Variants in CNTN4 observed in about 807,000 individuals in gnomAD.
CNTN4 encodes the protein contactin-4.
CNTN4 carries 77 observed loss-of-function variants against 122.5 expected under a neutral mutation model. That is an observed-to-expected ratio of 0.63 (90% CI 0.52 to 0.76). The LOEUF is 0.76. Ranked by LOEUF, CNTN4 falls within the 30% of genes least tolerant of loss-of-function variation. The pLI is 0.00. For synonymous variants in CNTN4, 512 were observed against 447.0 expected (o/e 1.15, Z -1.83); for missense variants, 1,256 against 1,259.1 (o/e 1.00, Z 0.04).
Position 3,039,022 on chromosome 3 carries a change from A to G in CNTN4, c.2163+19A>G, listed in dbSNP as rs1699894137. 6.3e-7 allele frequency: 1 copy of G among 1,595,992 alleles called. No homozygotes were observed. Among genetic ancestry groups the G allele is most frequent in the East Asian group, 2.2e-5 (1 of 44,812 alleles). ...CTGGGAGGTAAATGAATCACAGAAT[A>G]AAAGGAACGTACACGCATCGAAGCT... On this transcript the variant is annotated intron_variant, in intron 19 of 24. Coordinates refer to ENST00000418658, the MANE Select transcript of CNTN4 (RefSeq NM_175607.3).
At chr3:2,659,644 T>G (rs890219463) in intron 4 of CNTN4, among the ~76,000 whole-genome samples, 2 of 152,136 alleles carry the variant, frequency 1.3e-5, no homozygotes, top group African/African-American at 4.8e-5. Flanking sequence ...TTAATTTTAT[T>G]ATTTCCCTTT....
At chr3:2,625,641 C>T (rs1191282470) in intron 4 of CNTN4, among the ~76,000 whole-genome samples, 1 of 152,178 alleles carries the variant, frequency 6.6e-6, no homozygotes, top group Non-Finnish European at 1.5e-5. Context: ...TCCTGAGATT[C>T]ATCCATGCTG....
intron 3 of CNTN4, among the ~76,000 whole-genome samples, chr3:2,532,199 T>C (rs2077621633): frequency 6.6e-6 from 1 of 152,178 alleles, no homozygotes; most frequent in Non-Finnish European, 1.5e-5. Context: ...AGACTAGTAT[T>C]TCTCTATTTT....
chr3:2,730,231 C>T (rs964163930), intron 4 of CNTN4, among the ~76,000 whole-genome samples: 3 of 152,078 alleles, frequency 2.0e-5, no homozygotes, highest in Non-Finnish European at 4.4e-5. Flanking sequence ...TTCATATATA[C>T]CTTATACCTA....
At chr3:2,184,269 GA>G (rs1362768928) in intron 2 of CNTN4, among the ~76,000 whole-genome samples, 4 of 152,150 alleles carry the variant, frequency 2.6e-5, no homozygotes, top group Non-Finnish European at 4.4e-5. Context: ...TTACAGGAGT[GA>G]GCCACCACAC....
intron 5 of CNTN4, among the ~76,000 whole-genome samples, chr3:2,740,758 G>A (rs963206337): frequency 6.6e-6 from 1 of 152,060 alleles, no homozygotes; most frequent in Non-Finnish European, 1.5e-5. Context: ...AGAAGAAATG[G>A]GATATGAACT....
At chr3:2,259,476 A>T (rs1024920028) in intron 2 of CNTN4, among the ~76,000 whole-genome samples, 3 of 152,194 alleles carry the variant, frequency 2.0e-5, no homozygotes, top group African/African-American at 4.8e-5. Context: ...CGCTGCTGAT[A>T]AAGACATACC....
intron 13 of CNTN4, among the ~76,000 whole-genome samples, chr3:2,982,884 G>C (rs1391275100): frequency 6.6e-6 from 1 of 152,012 alleles, no homozygotes; most frequent in Non-Finnish European, 1.5e-5. Context: ...TTATGAGCTT[G>C]AGAACAAAAA....
In CNTN4 at chr3:2,574,731, T is replaced by C. The variant is rs2079582503; in HGVS notation, c.55+3173T>C. On this transcript the variant is annotated intron_variant, in intron 4 of 24. Transcript: ENST00000418658. ...TAAAATGTTCTTACAGAAGTAAAAG[T>C]GTACAGTGCAACAGGGAATGTTAGT... Among the ~76,000 whole-genome samples, 3 of 152,098 alleles carry C rather than the reference T, an allele frequency of 2.0e-5. 1 individual carries two copies. The South Asian group carries it at 6.2e-4, about 32-fold the overall frequency.
At chr3:2,182,783 T>C (rs1247876097) in intron 2 of CNTN4, among the ~76,000 whole-genome samples, 2 of 152,030 alleles carry the variant, frequency 1.3e-5, no homozygotes, top group Non-Finnish European at 2.9e-5. Flanking sequence ...GTTTTTGTCT[T>C]GGTTGAGAAC....
intron 7 of CNTN4, among the ~76,000 whole-genome samples, chr3:2,823,663 G>T (rs1304467712): frequency 1.3e-5 from 2 of 152,156 alleles, no homozygotes; most frequent in Non-Finnish European, 2.9e-5. Context: ...GGGTCACTGG[G>T]CACCAGGAAT....
intron 2 of CNTN4, among the ~76,000 whole-genome samples, chr3:2,227,797 A>G (rs891233611): frequency 1.3e-5 from 2 of 152,144 alleles, no homozygotes; most frequent in Admixed American, 6.5e-5. Context: ...TAGTAAATGA[A>G]GACCTATTTA....
intron 4 of CNTN4, among the ~76,000 whole-genome samples, chr3:2,579,145 C>T (rs939860265): frequency 6.6e-6 from 1 of 152,186 alleles, no homozygotes; most frequent in Non-Finnish European, 1.5e-5. Flanking sequence ...ATTAGATATG[C>T]TCAGCCATGC....
intron 3 of CNTN4, among the ~76,000 whole-genome samples, chr3:2,423,040 G>A (rs17194371): frequency 0.17 from 25,706 of 152,082 alleles, 2,788 homozygotes; most frequent in Middle Eastern, 0.26. Flanking sequence ...TAAAGCGACT[G>A]CGTTGTTTTA....
chr3:2,850,806 T>C (rs1397649580), intron 7 of CNTN4, among the ~76,000 whole-genome samples: 1 of 152,202 alleles, frequency 6.6e-6, no homozygotes, highest in Non-Finnish European at 1.5e-5. Flanking sequence ...ATTTAAATCA[T>C]ATAATATTTT....
intron 15 of CNTN4, 87 bp downstream of exon 15, chr3:3,026,364 T>A: frequency 8.3e-7 from 1 of 1,201,156 alleles, no homozygotes; most frequent in Non-Finnish European, 1.2e-6. Context: ...TAGAATTTTG[T>A]TCAAGTAATC....
chr3:2,687,163 C>A (rs2085472449), intron 4 of CNTN4, among the ~76,000 whole-genome samples: 1 of 72,350 alleles, frequency 1.4e-5, no homozygotes, highest in African/African-American at 5.1e-5. Context: ...ACAGAAATGT[C>A]TGTGTTTCTG....
chr3:2,480,091 C>A lies in CNTN4; in HGVS notation c.-88-91325C>A, dbSNP rs539493970. Among the ~76,000 whole-genome samples the A allele has an allele frequency of 3.0e-3, 453 of 152,028 alleles. 2 individuals are homozygous for A. Among genetic ancestry groups the A allele is most frequent in the African/African-American group, 0.011 (438 of 41,472 alleles). ...ACTCATTCATGATAAGAACTCTCTG[C>A]AAACTAAGAATAGAGAAGCGCTTCC... is the stretch of plus-strand genomic sequence containing the variant. On this transcript the variant is annotated intron_variant, in intron 3 of 24. Coordinates refer to ENST00000418658, the MANE Select transcript of CNTN4 (RefSeq NM_175607.3).
At chr3:2,621,554 G>T (rs4685534) in intron 4 of CNTN4, among the ~76,000 whole-genome samples, 32 of 151,794 alleles carry the variant, frequency 2.1e-4, no homozygotes, top group African/African-American at 5.3e-4. Context: ...GTAGATGACC[G>T]GTTGATGGGT....
Sources: gnomAD v4.1 joint callset for allele counts (sites outside exome capture counted in the v4.1 genomes callset) on GRCh38, gnomAD v4.1.1 for gene constraint, MANE v1.5 for transcripts, NCBI Gene and HGNC (gene_info 2026-07-23, HGNC 2026-07-21) for gene names.